Variants in ZNF804B observed in about 807,000 individuals in gnomAD.
The protein encoded by ZNF804B is zinc finger protein 804B, also known as zinc finger 804B.
ZNF804B carries 80 observed loss-of-function variants against 101.4 expected under a neutral mutation model. The ratio of observed to expected loss-of-function variants is 0.79; its 90% CI spans 0.66 to 0.95. ZNF804B has a LOEUF of 0.95. Among genes scored for constraint, ZNF804B ranks in the 40% least tolerant of loss-of-function variants. ZNF804B has a pLI of 0.00. For synonymous variants in ZNF804B, 622 were observed against 558.8 expected (o/e 1.11, Z -1.59); for missense variants, 1,673 against 1,561.9 (o/e 1.07, Z -1.20).
chr7:89,153,511 T>C (rs1048824428), intron 1 of ZNF804B, among the ~76,000 whole-genome samples: 6 of 151,652 alleles, frequency 4.0e-5, no homozygotes, highest in African/African-American at 1.5e-4. Context: ...TTTTGTACCT[T>C]ACCCAAGAGC....
chr7:89,156,184 G>C, intron 1 of ZNF804B, among the ~76,000 whole-genome samples: 1 of 151,438 alleles, frequency 6.6e-6, no homozygotes, highest in Non-Finnish European at 1.5e-5. Context: ...CACAATCTTG[G>C]CTCCCCACAA....
chr7:88,877,940 A>G (rs1262087997), intron 1 of ZNF804B, among the ~76,000 whole-genome samples: 1 of 152,154 alleles, frequency 6.6e-6, no homozygotes, highest in Non-Finnish European at 1.5e-5. Context: ...TTTTGAGAAT[A>G]TTCCTCATTA....
chr7:89,056,825 C>G (rs944399870), intron 1 of ZNF804B, among the ~76,000 whole-genome samples: 3 of 152,210 alleles, frequency 2.0e-5, no homozygotes, highest in African/African-American at 7.2e-5. Flanking sequence ...AGTCAATACA[C>G]TAAGACTCTG....
intron 1 of ZNF804B, among the ~76,000 whole-genome samples, chr7:88,762,289 T>A (rs1465728862): frequency 2.0e-5 from 3 of 152,248 alleles, no homozygotes; most frequent in African/African-American, 7.2e-5. Flanking sequence ...ATTTGAATAG[T>A]TTCTCATGTG....
intron 2 of ZNF804B, among the ~76,000 whole-genome samples, chr7:89,247,837 A>G (rs1295546156): frequency 1.3e-5 from 2 of 152,186 alleles, no homozygotes; most frequent in East Asian, 3.9e-4. Flanking sequence ...AAGGTTGAAA[A>G]GCAACACAAA....
intron 1 of ZNF804B, among the ~76,000 whole-genome samples, chr7:89,034,553 A>C (rs1242605596): frequency 6.6e-6 from 1 of 152,098 alleles, no homozygotes; most frequent in Non-Finnish European, 1.5e-5. Flanking sequence ...TTCCAGCTTC[A>C]TCCATGTCCC....
intron 1 of ZNF804B, among the ~76,000 whole-genome samples, chr7:89,057,104 C>T (rs931686697): frequency 2.6e-5 from 4 of 151,972 alleles, no homozygotes; most frequent in South Asian, 2.1e-4. Context: ...ACATCTTAAG[C>T]GATAGATTCT....
intron 1 of ZNF804B, among the ~76,000 whole-genome samples, chr7:88,988,350 C>A (rs1007031418): frequency 6.6e-6 from 1 of 152,058 alleles, no homozygotes; most frequent in African/African-American, 2.4e-5. Context: ...GACTTGGTTT[C>A]TGAGCATTAT....
intron 1 of ZNF804B, among the ~76,000 whole-genome samples, chr7:88,935,558 C>T (rs1453687507): frequency 1.3e-5 from 2 of 151,464 alleles, no homozygotes; most frequent in African/African-American, 2.4e-5. Flanking sequence ...AAAGAATGCT[C>T]CTTACTTTCA....
intron 1 of ZNF804B, among the ~76,000 whole-genome samples, chr7:88,774,239 C>G (rs1365963675): frequency 2.0e-5 from 3 of 148,390 alleles, no homozygotes; most frequent in Non-Finnish European, 4.4e-5. Flanking sequence ...AAACTTCGGC[C>G]ACCTCCAAGT....
At chr7:89,275,762 TTTATTTTC>T (rs1789970615) in intron 2 of ZNF804B, among the ~76,000 whole-genome samples, 1 of 151,956 alleles carries the variant, frequency 6.6e-6, no homozygotes, top group South Asian at 2.1e-4. Flanking sequence ...TTATGAACTT[TTTATTTTC>T]TCCCTACAAG....
At chr7:89,166,647 A>T (rs1369045723) in intron 1 of ZNF804B, among the ~76,000 whole-genome samples, 2 of 152,180 alleles carry the variant, frequency 1.3e-5, no homozygotes, top group Non-Finnish European at 2.9e-5. Context: ...TTTGAGCATC[A>T]CTACTGGTGC....
chr7:89,068,805 A>C (rs1487530045), intron 1 of ZNF804B, among the ~76,000 whole-genome samples: 1 of 152,210 alleles, frequency 6.6e-6, no homozygotes, highest in Non-Finnish European at 1.5e-5. Flanking sequence ...GTGTTTTGTT[A>C]GACTAGTCTA....
intron 2 of ZNF804B, among the ~76,000 whole-genome samples, chr7:89,284,087 A>C (rs1319495934): frequency 1.3e-5 from 2 of 152,212 alleles, no homozygotes; most frequent in Non-Finnish European, 2.9e-5. Flanking sequence ...CCCCATTCAC[A>C]GTTGAGGTAA....
intron 1 of ZNF804B, among the ~76,000 whole-genome samples, chr7:88,865,791 T>G (rs1331762992): frequency 6.6e-6 from 1 of 152,180 alleles, no homozygotes. Flanking sequence ...AGTGATCTTT[T>G]CTACTTTTTT....
chr7:89,067,925 C>T (rs570507902), intron 1 of ZNF804B, among the ~76,000 whole-genome samples: 2 of 150,664 alleles, frequency 1.3e-5, no homozygotes, highest in African/African-American at 2.5e-5. Context: ...TCTCCTGCCT[C>T]AGCCTCACGA....
chr7:89,013,519 CATA>C (rs966890671), intron 1 of ZNF804B, among the ~76,000 whole-genome samples: 3 of 152,086 alleles, frequency 2.0e-5, no homozygotes, highest in African/African-American at 7.2e-5. Flanking sequence ...TTAATTGACA[CATA>C]ATAATTGTGC....
intron 1 of ZNF804B, among the ~76,000 whole-genome samples, chr7:88,897,940 T>TC (rs1156853921): frequency 6.6e-6 from 1 of 151,724 alleles, no homozygotes; most frequent in Non-Finnish European, 1.5e-5. Context: ...GTCAAAACAA[T>TC]CTAAGTATTT....
chr7:89,201,879 A>C (rs1444388708), intron 1 of ZNF804B, among the ~76,000 whole-genome samples: 2 of 152,060 alleles, frequency 1.3e-5, no homozygotes, highest in Non-Finnish European at 2.9e-5. Context: ...CCCATTATAA[A>C]ATTGTAACTT....
Sources: gnomAD v4.1 joint callset for allele counts (sites outside exome capture counted in the v4.1 genomes callset) on GRCh38, gnomAD v4.1.1 for gene constraint, MANE v1.5 for transcripts, NCBI Gene and HGNC (gene_info 2026-07-23, HGNC 2026-07-21) for gene names.